The following PSD3 variants were observed in gnomAD, a reference collection of about 807,000 sequenced individuals.
PSD3 encodes pleckstrin and Sec7 domain containing 3, also known as PH and SEC7 domain-containing protein 3.
A neutral mutation model predicts 105.5 loss-of-function variants in PSD3; 49 were observed. The ratio of observed to expected loss-of-function variants is 0.46; its 90% CI spans 0.37 to 0.59. The LOEUF (loss-of-function observed/expected upper bound fraction) is 0.59. PSD3 is among the 20% of genes least tolerant of loss of function. PSD3 has a pLI of 0.00. For synonymous variants in PSD3, 557 were observed against 457.8 expected (o/e 1.22, Z -2.77); for missense variants, 1,561 against 1,263.8 (o/e 1.24, Z -3.57).
At chr8:18,816,867 T>A (rs199873133) in intron 4 of PSD3, among the ~76,000 whole-genome samples, 2 of 151,944 alleles carry the variant, frequency 1.3e-5, no homozygotes, top group Admixed American at 6.6e-5. Context: ...GTGACATTCA[T>A]AAGTGCCTTG....
intron 1 of PSD3, 145 bp downstream of exon 1, chr8:19,013,418 C>T: frequency 2.9e-6 from 3 of 1,046,478 alleles, no homozygotes; most frequent in African/African-American, 1.7e-5. Context: ...AGAGAAAAAT[C>T]GCACCCTGCA....
intron 13 of PSD3, among the ~76,000 whole-genome samples, chr8:18,574,832 T>C (rs912178673): frequency 6.6e-6 from 1 of 152,214 alleles, no homozygotes; most frequent in East Asian, 1.9e-4. Flanking sequence ...CATTTTGCGA[T>C]AAAACTTGTC....
chr8:18,785,953 G>A (rs568099306), intron 8 of PSD3, among the ~76,000 whole-genome samples: 5 of 152,180 alleles, frequency 3.3e-5, no homozygotes, highest in Admixed American at 3.3e-4. Context: ...GATAAGACTC[G>A]CTTGACGCAG....
intron 9 of PSD3, among the ~76,000 whole-genome samples, chr8:18,665,056 T>C (rs1799370827): frequency 6.6e-6 from 1 of 152,228 alleles, no homozygotes; most frequent in African/African-American, 2.4e-5. Context: ...TGACTGTTGT[T>C]TTCATGCCTG....
chr8:19,084,515 G>A, exon 1 of PSD3: 1 of 424,506 alleles, frequency 2.4e-6, no homozygotes, highest in South Asian at 1.7e-5. Flanking sequence ...AGGGACTGCT[G>A]CTTTCATCAC....
intron 4 of PSD3, among the ~76,000 whole-genome samples, chr8:18,833,911 A>G (rs1813883773): frequency 6.6e-6 from 1 of 152,186 alleles, no homozygotes. Flanking sequence ...AAATATAAAA[A>G]CAATAGCTTT....
chr8:19,033,603 T>C (rs1827844344), intron 1 of PSD3, among the ~76,000 whole-genome samples: 1 of 151,874 alleles, frequency 6.6e-6, no homozygotes, highest in South Asian at 2.1e-4. Flanking sequence ...TGTTTAGCCC[T>C]TTCACCTCCC....
At chr8:18,727,776 A>G (rs929752168) in intron 9 of PSD3, among the ~76,000 whole-genome samples, 1 of 152,118 alleles carries the variant, frequency 6.6e-6, no homozygotes, top group South Asian at 2.1e-4. Flanking sequence ...ATACTTCCCT[A>G]TTACCCACCT....
At chr8:19,005,026 G>A (rs1004613709) in intron 1 of PSD3, among the ~76,000 whole-genome samples, 1 of 152,002 alleles carries the variant, frequency 6.6e-6, no homozygotes, top group Non-Finnish European at 1.5e-5. Context: ...GTGTGAAAAT[G>A]GACGAATACG....
rs1817446587 is a variant in PSD3, at chr8:18,872,463, A to G, written c.401T>C (p.Leu134Ser). The G allele has an allele frequency of 3.7e-6, 6 of 1,614,180 alleles. No individual in the cohort carries two copies. Among genetic ancestry groups the G allele is most frequent in the Non-Finnish European group, 5.1e-6 (6 of 1,180,028 alleles). ...TTCTGTGGCTTTCAGAGCTGAAATC[A>G]AAGAGTCAATGGGCTGTAAACTTTG... ...KEQSLQPIDS[L>S]ISALKATEAR... is the part of the protein sequence containing the mutation. Residue 134 changes from leucine to serine, a missense_variant, in exon 3 of 16, where the codon TTG becomes TCG. Physicochemically the swap from Leu to Ser is moderately radical, Grantham distance 145. Coordinates refer to ENST00000327040, the MANE Select transcript of PSD3 (RefSeq NM_015310.4).
intron 9 of PSD3, among the ~76,000 whole-genome samples, chr8:18,722,376 T>C (rs544308790): frequency 1.3e-5 from 2 of 152,268 alleles, no homozygotes; most frequent in East Asian, 3.9e-4. Context: ...AATCTAAAAA[T>C]ATCCATGTTC....
intron 9 of PSD3, among the ~76,000 whole-genome samples, chr8:18,765,176 T>A (rs1305803084): frequency 1.3e-5 from 2 of 152,166 alleles, no homozygotes; most frequent in African/African-American, 4.8e-5. Context: ...TACAAATAAA[T>A]CGAACAAAAA....
At chr8:18,639,014 G>C (rs748675282) in intron 10 of PSD3, among the ~76,000 whole-genome samples, 9 of 152,194 alleles carry the variant, frequency 5.9e-5, no homozygotes, top group Non-Finnish European at 1.0e-4. Flanking sequence ...GCTTGTGCCA[G>C]TCTGAAATCC....
At chr8:18,634,048 C>G (rs896153350) in intron 10 of PSD3, among the ~76,000 whole-genome samples, 1 of 151,902 alleles carries the variant, frequency 6.6e-6, no homozygotes, top group African/African-American at 2.4e-5. Flanking sequence ...TGTTTGTTGG[C>G]CATTTGTATA....
chr8:19,053,211 G>A (rs538201890), intron 1 of PSD3, among the ~76,000 whole-genome samples: 4 of 152,090 alleles, frequency 2.6e-5, no homozygotes, highest in Non-Finnish European at 5.9e-5. Flanking sequence ...GGCGCACAGG[G>A]GATGACTGGA....
At chr8:19,071,837 G>C (rs565022318) in intron 1 of PSD3, among the ~76,000 whole-genome samples, 2 of 152,018 alleles carry the variant, frequency 1.3e-5, no homozygotes, top group African/African-American at 4.8e-5. Flanking sequence ...ACCCTCCCGA[G>C]TATCTGGGAT....
At chr8:18,557,794 T>A (rs893658516) in intron 14 of PSD3, among the ~76,000 whole-genome samples, 23 of 152,324 alleles carry the variant, frequency 1.5e-4, no homozygotes, top group African/African-American at 5.3e-4. Context: ...AAGTCAAAAA[T>A]GCTTCAGGTA....
At chr8:18,840,943 C>T (rs912397941) in intron 4 of PSD3, among the ~76,000 whole-genome samples, 16 of 152,124 alleles carry the variant, frequency 1.1e-4, no homozygotes, top group Non-Finnish European at 1.8e-4. Flanking sequence ...GTGTGTGTCT[C>T]GAGATAGATG....
chr8:18,694,905 T>C (rs1226557207), intron 9 of PSD3, among the ~76,000 whole-genome samples: 1 of 152,084 alleles, frequency 6.6e-6, no homozygotes, highest in Non-Finnish European at 1.5e-5. Context: ...GCCAAAGGTA[T>C]GGAGGAAAAT....
Sources: allele counts gnomAD v4.1 joint callset (sites outside exome capture counted in the v4.1 genomes callset), GRCh38; gene constraint gnomAD v4.1.1; transcripts MANE v1.5; gene names NCBI Gene and HGNC (gene_info 2026-07-23, HGNC 2026-07-21).